The following TNS3 variants were observed in gnomAD, a reference collection of about 807,000 sequenced individuals.
The protein encoded by TNS3 is tensin-3.
In TNS3, 45 loss-of-function variants were observed where a neutral mutation model predicts 140.9. That is an observed-to-expected ratio of 0.32 (90% CI 0.25 to 0.41). The LOEUF (loss-of-function observed/expected upper bound fraction) is 0.41. TNS3 is among the 10% of genes least tolerant of loss of function. TNS3 has a pLI of 1.00. For missense variants in TNS3, 1,716 were observed against 1,906.7 expected (o/e 0.90, Z 1.86); for synonymous variants, 815 against 788.4 (o/e 1.03, Z -0.56).
intron 2 of TNS3, among the ~76,000 whole-genome samples, chr7:47,514,179 G>A (rs17658885): frequency 0.16 from 23,726 of 152,260 alleles, 2,272 homozygotes; most frequent in East Asian, 0.31. Flanking sequence ...CACAAGGCAG[G>A]AGGGGACTGA....
intron 12 of TNS3, among the ~76,000 whole-genome samples, chr7:47,412,963 C>T (rs1562707922): frequency 6.6e-6 from 1 of 150,982 alleles, no homozygotes; most frequent in African/African-American, 2.4e-5. Context: ...TTGTTGTTTT[C>T]TTTTTTTTTC....
chr7:47,411,739 C>T lies in TNS3; in HGVS notation c.711G>A (p.Lys237=). The change falls in exon 13 of 31, where the codon AAG becomes AAA. Residue 237 remains lysine (K), a synonymous_variant. Coordinates refer to ENST00000311160, the MANE Select transcript of TNS3 (RefSeq NM_022748.12). The part of the protein sequence containing the change: ...CIVIEPAQLL[K]GDVMVKCYHK... ...AGCGGGCACTCACCATGACATCTCC[C>T]TTCAGAAGCTGGGCCGGCTCGATGA... is the stretch of plus-strand genomic sequence containing the variant. 6.2e-7 allele frequency: 1 copy of T among 1,612,008 alleles called. No individual in the cohort carries two copies. Among genetic ancestry groups the T allele is most frequent in the Non-Finnish European group, 8.5e-7 (1 of 1,179,120 alleles).
chr7:47,360,045 G>T (rs1790227014), intron 17 of TNS3, among the ~76,000 whole-genome samples: 3 of 152,138 alleles, frequency 2.0e-5, no homozygotes, highest in Non-Finnish European at 1.5e-5. Flanking sequence ...GAGTATCTGG[G>T]GCAAATGGAA....
intron 1 of TNS3, among the ~76,000 whole-genome samples, chr7:47,562,382 T>C (rs1800334342): frequency 1.1e-5 from 1 of 90,502 alleles, no homozygotes; most frequent in South Asian, 5.4e-4. Context: ...TCTCATCTGC[T>C]GCCTTTTTTT....
chr7:47,439,481 G>C lies in TNS3; in HGVS notation c.150+6C>G, dbSNP rs142706530. On this transcript the variant is annotated splice_donor_region_variant and intron_variant, in intron 6 of 30. Transcript: ENST00000311160. ...CCAAAGGCTCCCAGAGCCGCCCACC[G>C]CTCACCAGGTAGTTGTCCCCGTGCT... The C allele has an allele frequency of 1.2e-6, 2 of 1,613,184 alleles. No homozygotes were observed. The highest frequency in any genetic ancestry group is 2.2e-5 in the South Asian group (2 of 90,866).
chr7:47,454,725 C>A (rs1485714968), intron 4 of TNS3, among the ~76,000 whole-genome samples: 1 of 152,144 alleles, frequency 6.6e-6, no homozygotes, highest in African/African-American at 2.4e-5. Context: ...CAAAGTACCC[C>A]CAATGGGAGT....
chr7:47,289,731 T>C (rs1452444679), intron 27 of TNS3, among the ~76,000 whole-genome samples: 1 of 152,236 alleles, frequency 6.6e-6, no homozygotes, highest in African/African-American at 2.4e-5. Flanking sequence ...TAAACTTTGA[T>C]GAAAGATACA....
At chr7:47,330,995 G>C (rs1788310869) in intron 20 of TNS3, among the ~76,000 whole-genome samples, 1 of 152,134 alleles carries the variant, frequency 6.6e-6, no homozygotes, top group Non-Finnish European at 1.5e-5. Context: ...ACAATAAGAG[G>C]AACCCTGGAC....
In TNS3 at chr7:47,450,795, G is replaced by A. The variant is rs112132894; in HGVS notation, c.-75-8740C>T. ...CAGGATAGGTTAAACATGGCACCCC[G>A]TTCCCTGCCTCTCCTTGTCCTCACT... On this transcript the variant is annotated intron_variant, in intron 4 of 30. Coordinates refer to ENST00000311160, the MANE Select transcript of TNS3 (RefSeq NM_022748.12). Among the ~76,000 whole-genome samples, 826 of 152,308 alleles carry A rather than the reference G, an allele frequency of 5.4e-3. 6 individuals carry two copies. Among genetic ancestry groups the A allele is most frequent in the African/African-American group, 0.019 (794 of 41,570 alleles).
intron 3 of TNS3, among the ~76,000 whole-genome samples, chr7:47,483,084 C>T (rs1205812839): frequency 1.3e-5 from 2 of 152,050 alleles, no homozygotes; most frequent in African/African-American, 4.8e-5. Flanking sequence ...GTTACTAAGA[C>T]TGTATCAATA....
In TNS3 at chr7:47,396,867, C is replaced by A; in HGVS notation, c.957G>T (p.Val319=). The A allele has an allele frequency of 6.2e-7, 1 of 1,614,118 alleles. No individual in the cohort carries two copies. Among genetic ancestry groups the A allele is most frequent in the Non-Finnish European group, 8.5e-7 (1 of 1,180,004 alleles). ...EHLYNDHGVI[V]DYNTTDPLIR... ...TCAGTGGGTCTGTTGTGTTGTAGTC[C>A]ACAATCACACCGTGGTCGTTGTACA... Residue 319 remains valine (V), a synonymous_variant, in exon 16 of 31, where the codon GTG becomes GTT. Coordinates refer to ENST00000311160, the MANE Select transcript of TNS3 (RefSeq NM_022748.12).
intron 16 of TNS3, among the ~76,000 whole-genome samples, chr7:47,388,255 C>T (rs993455368): frequency 6.6e-6 from 1 of 152,176 alleles, no homozygotes; most frequent in Non-Finnish European, 1.5e-5. Flanking sequence ...TACACACACA[C>T]ACACTGCTGC....
chr7:47,415,425 C>T (rs1235868604), intron 10 of TNS3, among the ~76,000 whole-genome samples: 1 of 152,214 alleles, frequency 6.6e-6, no homozygotes, highest in Non-Finnish European at 1.5e-5. Context: ...AAGGCACAAC[C>T]GGCCTCTTGG....
upstream of TNS3, chr7:47,582,213 G>C (rs890537678): frequency 1.3e-5 from 2 of 152,942 alleles, no homozygotes; most frequent in African/African-American, 4.8e-5. Context: ...CCGCGCCCGC[G>C]CCCCGAGCCT....
intron 30 of TNS3, chr7:47,278,519 T>G: frequency 9.6e-6 from 3 of 310,958 alleles, no homozygotes; most frequent in Non-Finnish European, 1.2e-5. Context: ...ACTTCCTCTA[T>G]AGATGCTTCC....
At chr7:47,401,008 G>A in intron 13 of TNS3, 94 bp from the exon 14 acceptor site, 1 of 1,550,628 alleles carries the variant, frequency 6.4e-7, no homozygotes, top group Non-Finnish European at 8.8e-7. Context: ...GCACAGCAGG[G>A]CCTCCCCTCT....
chr7:47,548,304 G>C (rs932308590), intron 1 of TNS3, among the ~76,000 whole-genome samples: 3 of 152,044 alleles, frequency 2.0e-5, no homozygotes, highest in Non-Finnish European at 4.4e-5. Context: ...AACCCTCCTT[G>C]AATGCCTACC....
chr7:47,338,115 T>A (rs1788736958), intron 20 of TNS3, among the ~76,000 whole-genome samples: 1 of 152,210 alleles, frequency 6.6e-6, no homozygotes, highest in Admixed American at 6.5e-5. Context: ...ACTGGCCTGT[T>A]GAAGGACATC....
At chr7:47,298,312 T>C (rs1786172382) in intron 23 of TNS3, among the ~76,000 whole-genome samples, 1 of 152,144 alleles carries the variant, frequency 6.6e-6, no homozygotes, top group South Asian at 2.1e-4. Flanking sequence ...CCTCGCACAG[T>C]GGGTCACCCA....
Sources: allele counts gnomAD v4.1 joint callset (sites outside exome capture counted in the v4.1 genomes callset), GRCh38; gene constraint gnomAD v4.1.1; transcripts MANE v1.5; gene names NCBI Gene and HGNC (gene_info 2026-07-23, HGNC 2026-07-21).